The following OR10J1 variants were observed in gnomAD, a reference collection of about 807,000 sequenced individuals.
OR10J1 encodes olfactory receptor 10J1.
For synonymous variants in OR10J1, 202 were observed against 143.8 expected, an observed-to-expected ratio of 1.40 and a Z score of -2.89; for missense variants, 474 against 376.6, an observed-to-expected ratio of 1.26 and a Z score of -2.14.
chr1:159,411,509 T>C, the OR10J1 span, among the ~76,000 whole-genome samples: 1 of 152,150 alleles, frequency 6.6e-6, no homozygotes, highest in African/African-American at 2.4e-5. Flanking sequence ...TATCAGAGAC[T>C]AGGATTGCAA....
the OR10J1 span, among the ~76,000 whole-genome samples, chr1:159,402,493 A>T: frequency 0.23 from 35,594 of 151,772 alleles, 5,042 homozygotes; most frequent in East Asian, 0.73. Flanking sequence ...AAATTTTTTA[A>T]AAAAAATCCC....
the OR10J1 span, among the ~76,000 whole-genome samples, chr1:159,420,225 A>G: frequency 6.6e-6 from 1 of 152,120 alleles, no homozygotes; most frequent in Non-Finnish European, 1.5e-5. Flanking sequence ...TCCTGGTAAG[A>G]TAATTTTCAT....
the OR10J1 span, among the ~76,000 whole-genome samples, chr1:159,404,188 A>C: frequency 4.6e-5 from 7 of 152,210 alleles, no homozygotes; most frequent in South Asian, 1.5e-3. Context: ...AAGGCCTACT[A>C]TTTGATAGCA....
chr1:159,402,229 A>T, the OR10J1 span, among the ~76,000 whole-genome samples: 2 of 152,106 alleles, frequency 1.3e-5, no homozygotes, highest in African/African-American at 2.4e-5. Context: ...CATCACTGTT[A>T]TTCAGTATAG....
the OR10J1 span, among the ~76,000 whole-genome samples, chr1:159,407,429 C>T: frequency 6.6e-6 from 1 of 151,998 alleles, no homozygotes; most frequent in Non-Finnish European, 1.5e-5. Context: ...AGGATTAAAT[C>T]CATTAATATC....
the OR10J1 span, among the ~76,000 whole-genome samples, chr1:159,402,607 G>A: frequency 6.6e-5 from 10 of 151,888 alleles, no homozygotes; most frequent in Non-Finnish European, 1.2e-4. Flanking sequence ...GAAAGTAATT[G>A]AAGAGGACAC....
chr1:159,397,604 T>C, the OR10J1 span, among the ~76,000 whole-genome samples: 1 of 151,976 alleles, frequency 6.6e-6, no homozygotes, highest in African/African-American at 2.4e-5. Context: ...ATATTGATGG[T>C]AGTCTGGCAG....
At chr1:159,397,612 C>T in the OR10J1 span, among the ~76,000 whole-genome samples, 1 of 152,006 alleles carries the variant, frequency 6.6e-6, no homozygotes, top group Non-Finnish European at 1.5e-5. Flanking sequence ...GGTAGTCTGG[C>T]AGTACTCCTC....
chr1:159,432,930 C>A (rs1039043840), upstream of OR10J1: 1 of 429,618 alleles, frequency 2.3e-6, no homozygotes, highest in South Asian at 9.6e-5. Flanking sequence ...GCTACTTGTG[C>A]CTCACACCTC....
the OR10J1 span, among the ~76,000 whole-genome samples, chr1:159,401,814 A>AT: frequency 4.6e-5 from 7 of 152,066 alleles, no homozygotes; most frequent in African/African-American, 1.4e-4. Context: ...ACAAGCCAAT[A>AT]TTTTTTATGA....
the OR10J1 span, among the ~76,000 whole-genome samples, chr1:159,431,925 A>G: frequency 6.6e-6 from 1 of 152,162 alleles, no homozygotes; most frequent in South Asian, 2.1e-4. Flanking sequence ...ATCAGGATGT[A>G]GCCTCATCAT....
the OR10J1 span, among the ~76,000 whole-genome samples, chr1:159,397,922 G>A: frequency 1.3e-5 from 2 of 152,184 alleles, no homozygotes; most frequent in African/African-American, 4.8e-5. Flanking sequence ...AGTAGCCAGG[G>A]ACTGGCTACA....
chr1:159,415,390 A>G, the OR10J1 span, among the ~76,000 whole-genome samples: 3 of 152,008 alleles, frequency 2.0e-5, no homozygotes. Context: ...GAATAAATGA[A>G]TGCATTTCTG....
At position 159,440,271 on chromosome 1, in the gene OR10J1, G is replaced by C. The variant is rs746543039; in HGVS notation, c.480G>C (p.Val160=). 4 of 1,614,038 alleles carry C rather than the reference G, an allele frequency of 2.5e-6. No homozygotes were observed. Among genetic ancestry groups the C allele is most frequent in the Non-Finnish European group, 3.4e-6 (4 of 1,180,018 alleles). Residue 160 remains valine, a synonymous_variant, in exon 1 of 1, where the codon GTG becomes GTC. Coordinates refer to ENST00000423932, the MANE Select transcript of OR10J1 (RefSeq NM_012351.3). The part of the protein sequence containing the change: ...SIGLIVAITQ[V]TSVFRLPFCA... ...GGCTGATTGTAGCAATAACGCAAGTGACATCTGTATTCAGGTTACCCTTCT... is the reference window on the plus strand; with the variant it reads ...GGCTGATTGTAGCAATAACGCAAGTCACATCTGTATTCAGGTTACCCTTCT...
chr1:159,405,845 A>C, the OR10J1 span: 1 of 871,888 alleles, frequency 1.1e-6, no homozygotes, highest in Non-Finnish European at 1.9e-6. Flanking sequence ...TCACAGAAGA[A>C]GTGGGAGATG....
upstream of OR10J1, among the ~76,000 whole-genome samples, chr1:159,433,343 G>A (rs1655640428): frequency 6.6e-6 from 1 of 152,074 alleles, no homozygotes; most frequent in Non-Finnish European, 1.5e-5. Flanking sequence ...TCAGATATAT[G>A]GGTTTACCAA....
At chr1:159,422,246 T>C in the OR10J1 span, among the ~76,000 whole-genome samples, 1 of 152,050 alleles carries the variant, frequency 6.6e-6, no homozygotes, top group Admixed American at 6.6e-5. Flanking sequence ...GTATTGGCTT[T>C]TGTAGGGAGA....
the OR10J1 span, among the ~76,000 whole-genome samples, chr1:159,431,553 C>T: frequency 2.0e-5 from 3 of 152,180 alleles, no homozygotes; most frequent in African/African-American, 7.2e-5. Flanking sequence ...AGTTTCAGGC[C>T]TGGGCACAGG....
the OR10J1 span, among the ~76,000 whole-genome samples, chr1:159,430,665 G>GTGTGTGTGTGTA: frequency 1.2e-5 from 1 of 83,458 alleles, no homozygotes; most frequent in Non-Finnish European, 3.4e-5. Flanking sequence ...GTGTGTGTGT[G>GTGTGTGTGTGTA]TGTGCGCGCG....
Sources: gnomAD v4.1 joint callset for allele counts (sites outside exome capture counted in the v4.1 genomes callset) on GRCh38, gnomAD v4.1.1 for gene constraint, MANE v1.5 for transcripts, NCBI Gene and HGNC (gene_info 2026-07-23, HGNC 2026-07-21) for gene names.